The following ARID4B variants were observed in gnomAD, a reference collection of about 807,000 sequenced individuals.
The protein encoded by ARID4B is AT-rich interaction domain 4B.
ARID4B carries 26 observed loss-of-function variants against 147.5 expected under a neutral mutation model. That is an observed-to-expected ratio of 0.18 (90% confidence interval 0.13 to 0.24). ARID4B has a LOEUF of 0.24. ARID4B is among the 10% of genes least tolerant of loss of function. The pLI, the probability that ARID4B is intolerant of heterozygous loss-of-function variation, is 1.00. For synonymous variants in ARID4B, 512 were observed against 507.9 expected, an observed-to-expected ratio of 1.01 and a Z score of -0.11; for missense variants, 1,179 against 1,511.5, an observed-to-expected ratio of 0.78 and a Z score of 3.65.
chr1:235,299,495 CTG>C (rs1253992857), intron 2 of ARID4B, among the ~76,000 whole-genome samples: 1 of 152,162 alleles, frequency 6.6e-6, no homozygotes, highest in Non-Finnish European at 1.5e-5. Flanking sequence ...CTGGCCTAAA[CTG>C]TGTTTTTGAA....
chr1:235,298,634 A>G (rs1490784295), intron 2 of ARID4B, among the ~76,000 whole-genome samples: 1 of 151,106 alleles, frequency 6.6e-6, no homozygotes, highest in Non-Finnish European at 1.5e-5. Context: ...TATCTGCATT[A>G]TAAAGTCACT....
At chr1:235,197,828 C>T (rs1469982906) in intron 17 of ARID4B, among the ~76,000 whole-genome samples, 3 of 152,128 alleles carry the variant, frequency 2.0e-5, no homozygotes, top group Admixed American at 6.5e-5. Context: ...CTACTAAATA[C>T]ACTCCTTTTG....
chr1:235,248,557 C>T (rs1189573450), intron 6 of ARID4B, among the ~76,000 whole-genome samples: 1 of 152,094 alleles, frequency 6.6e-6, no homozygotes, highest in Non-Finnish European at 1.5e-5. Context: ...ATTAAGGTTG[C>T]TCTCTTTAAA....
intron 1 of ARID4B, chr1:235,327,203 G>A (rs1675345792): frequency 2.5e-6 from 1 of 399,044 alleles, no homozygotes; most frequent in South Asian, 3.4e-5. Flanking sequence ...ACCCGACGGA[G>A]TTTCCCGTCT....
At chr1:235,293,486 T>G (rs931574812) in intron 2 of ARID4B, among the ~76,000 whole-genome samples, 1 of 152,188 alleles carries the variant, frequency 6.6e-6, no homozygotes, top group East Asian at 1.9e-4. Context: ...ACAGCTGATG[T>G]GCCAAGTCAG....
chr1:235,170,925 A>C (rs1393457856), intron 23 of ARID4B, among the ~76,000 whole-genome samples: 4 of 150,816 alleles, frequency 2.7e-5, no homozygotes, highest in Admixed American at 1.3e-4. Context: ...AAAAAAAAAA[A>C]AAAAAAAAAC....
At chr1:235,236,833 A>ATATATATATATATATATATATGTAT (rs1668597409) in intron 8 of ARID4B, among the ~76,000 whole-genome samples, 2 of 33,522 alleles carry the variant, frequency 6.0e-5, no homozygotes, top group African/African-American at 3.0e-4. Context: ...TTTTATAAAA[A>ATATATATATATATATATATATGTAT]ATATATATAT....
chr1:235,297,282 C>T (rs147284685), intron 2 of ARID4B, among the ~76,000 whole-genome samples: 14 of 152,074 alleles, frequency 9.2e-5, no homozygotes, highest in African/African-American at 3.1e-4. Flanking sequence ...ATCCCTAACA[C>T]TAAAAATAAT....
rs1277829698 is a variant in ARID4B, at chr1:235,182,122, C to T, written c.2797G>A (p.Gly933Arg). Reference protein sequence around the residue: ...DRKDVWSSIQGQWPKKTLKEL... With the variant: ...DRKDVWSSIQRQWPKKTLKEL... ...TTCAGCGTTTTTTTAGGCCACTGTC[C>T]CTGAATACTTGACCAGACATCTTTT... Residue 933 changes from glycine (G) to arginine (R), a missense_variant, in exon 20 of 24, where the codon GGA becomes AGA. This residue lies in a region of ARID4B where 8 missense variants were observed against 28.7 expected (regional missense o/e 0.28). Transcript: ENST00000264183. 2 of 1,614,134 alleles carry T rather than the reference C, an allele frequency of 1.2e-6. No individual in the cohort carries two copies. The highest frequency in any genetic ancestry group is 2.2e-5 in the South Asian group (2 of 91,074).
In ARID4B at chr1:235,255,263, A is replaced by ATCTATCTATC. The variant is rs746915541; in HGVS notation, c.274+396_274+397insGATAGATAGA. 2.8e-3 allele frequency among the ~76,000 whole-genome samples: 255 copies of ATCTATCTATC among 90,808 alleles called. 2 individuals are homozygous for ATCTATCTATC. The highest frequency in any genetic ancestry group is 7.2e-3 in the Middle Eastern group (1 of 138). The allele number at this position is 90,808 out of a possible 152,430, so 59.6% of individuals were successfully genotyped here. On this transcript the variant is annotated intron_variant, in intron 5 of 23. Coordinates refer to ENST00000264183, the MANE Select transcript of ARID4B (RefSeq NM_016374.6). ...GATAGATAGATAGATAGATAGATAG[A>ATCTATCTATC]TATATATCTCTCTCTCTCTCTCTCT...
chr1:235,213,734 T>C, intron 17 of ARID4B, 35 bp downstream of exon 17: 1 of 1,574,224 alleles, frequency 6.4e-7, no homozygotes, highest in Non-Finnish European at 8.6e-7. Flanking sequence ...TATAATTGTT[T>C]TTAGGTAATA....
chr1:235,287,115 C>T (rs188005896), intron 2 of ARID4B, among the ~76,000 whole-genome samples: 105 of 152,100 alleles, frequency 6.9e-4, no homozygotes, highest in Non-Finnish European at 1.2e-3. Flanking sequence ...CAAAATTAGC[C>T]GGGCGTGGTG....
intron 2 of ARID4B, among the ~76,000 whole-genome samples, chr1:235,304,255 G>T (rs925391756): frequency 1.3e-5 from 2 of 152,020 alleles, no homozygotes; most frequent in Non-Finnish European, 2.9e-5. Context: ...GGCTGAGGTG[G>T]GTGGATCACT....
At chr1:235,214,837 CTTTTTTTTTTT>C (rs10657168) in intron 16 of ARID4B, among the ~76,000 whole-genome samples, 1 of 102,326 alleles carries the variant, frequency 9.8e-6, no homozygotes, top group Admixed American at 1.3e-4. Context: ...GTATTACATC[CTTTTTTTTTTT>C]TTTTTTTTTG....
At chr1:235,313,582 T>A (rs1339670760) in intron 2 of ARID4B, among the ~76,000 whole-genome samples, 1 of 152,094 alleles carries the variant, frequency 6.6e-6, no homozygotes, top group Non-Finnish European at 1.5e-5. Flanking sequence ...ATGAAAACAA[T>A]TTTTGCCATA....
chr1:235,289,766 G>A (rs1478297010), intron 2 of ARID4B, among the ~76,000 whole-genome samples: 1 of 150,454 alleles, frequency 6.6e-6, no homozygotes, highest in Non-Finnish European at 1.5e-5. Context: ...AGAAAAATGG[G>A]CATATGACAT....
intron 20 of ARID4B, 30 bp downstream of exon 20, chr1:235,181,555 A>G: frequency 6.3e-7 from 1 of 1,594,900 alleles, no homozygotes; most frequent in Non-Finnish European, 8.5e-7. Context: ...AAACCCTAAA[A>G]TAAGTCAACA....
intron 6 of ARID4B, 105 bp downstream of exon 6, chr1:235,252,625 G>A (rs1199020704): frequency 4.6e-6 from 4 of 871,806 alleles, no homozygotes; most frequent in Non-Finnish European, 7.2e-6. Flanking sequence ...GTGTATTAAT[G>A]AACTTTCCTG....
At chr1:235,196,160 C>T (rs113050241) in intron 17 of ARID4B, 45 bp from the exon 18 acceptor site, 13 of 967,522 alleles carry the variant, frequency 1.3e-5, no homozygotes, top group South Asian at 8.2e-5. Context: ...ATATATACCA[C>T]GGAAATAACC....
Sources: allele counts gnomAD v4.1 joint callset (sites outside exome capture counted in the v4.1 genomes callset), GRCh38; gene constraint gnomAD v4.1.1; regional missense constraint gnomAD v4.1.1; transcripts MANE v1.5; gene names NCBI Gene and HGNC (gene_info 2026-07-23, HGNC 2026-07-21).